SH3GL3: variants seen among roughly 807,000 people sequenced by gnomAD.
SH3GL3 encodes the protein endophilin-A3.
Under a neutral mutation model 47.7 loss-of-function variants are expected in SH3GL3, and 33 were observed. The observed-to-expected ratio is 0.69, with a 90% confidence interval of 0.52 to 0.92. The LOEUF (loss-of-function observed/expected upper bound fraction) is 0.92. Ranked by LOEUF, SH3GL3 falls within the 40% of genes least tolerant of loss-of-function variation. The pLI is 0.00. For synonymous variants in SH3GL3, 155 were observed against 148.8 expected (o/e 1.04, Z -0.30); for missense variants, 363 against 417.8 (o/e 0.87, Z 1.14).
Position 83,565,219 on chromosome 15 carries a change from T to A in SH3GL3, c.187+13T>A. 1 of 1,459,460 alleles carries A rather than the reference T, an allele frequency of 6.9e-7. No individual in the cohort carries two copies. The highest frequency in any genetic ancestry group is 1.7e-5 in the Admixed American group (1 of 59,188). The allele number at this position is 1,459,460 out of a possible 1,614,324, so 90.4% of individuals were successfully genotyped here. A position where few individuals can be genotyped will look rare whatever the true frequency, so the allele number is the denominator to read the frequency against. Reference sequence around the variant, plus strand: ...CAGCCAAATCCAGGTAAAGTTGAAATATTCTCTTGTTCATTTGCTGTCACA... The same window carrying A: ...CAGCCAAATCCAGGTAAAGTTGAAAAATTCTCTTGTTCATTTGCTGTCACA... On this transcript the variant is annotated intron_variant, in intron 3 of 8. Transcript: ENST00000427482.
chr15:83,600,133 T>G (rs1032488397), intron 8 of SH3GL3, among the ~76,000 whole-genome samples: 4 of 152,256 alleles, frequency 2.6e-5, no homozygotes, highest in Admixed American at 1.3e-4. Flanking sequence ...TTTCTCCCAC[T>G]CTGTGGGTTG....
intron 1 of SH3GL3, among the ~76,000 whole-genome samples, chr15:83,500,617 G>T (rs2042254820): frequency 6.6e-6 from 1 of 152,228 alleles, no homozygotes; most frequent in Admixed American, 6.5e-5. Flanking sequence ...TGGGTCTTTG[G>T]CTCCTATGGT....
chr15:83,505,650 C>T (rs1228970697), intron 1 of SH3GL3, among the ~76,000 whole-genome samples: 1 of 151,818 alleles, frequency 6.6e-6, no homozygotes, highest in Admixed American at 6.6e-5. Context: ...CCTCAGCTTC[C>T]CAAGTAGCTG....
At chr15:83,622,425 A>G (rs1476169678), downstream of SH3GL3, among the ~76,000 whole-genome samples, 1 of 152,224 alleles carries the variant, frequency 6.6e-6, no homozygotes, top group Non-Finnish European at 1.5e-5. Context: ...ACTATTCTCA[A>G]TGCCCATAAT....
intron 1 of SH3GL3, among the ~76,000 whole-genome samples, chr15:83,461,333 A>T (rs1436634279): frequency 6.6e-6 from 1 of 152,236 alleles, no homozygotes; most frequent in Non-Finnish European, 1.5e-5. Flanking sequence ...GTCTAATTAA[A>T]ATAACTGACA....
In SH3GL3 at chr15:83,497,219, G is replaced by A. The variant is rs143877928; in HGVS notation, c.45+49641G>A. On this transcript the variant is annotated intron_variant, in intron 1 of 8. Transcript: ENST00000427482. ...TCTTTGTCATGGCTCTTGAAGACCC[G>A]TTACAGCCCCAAGACCCCGTGGTAG... is the stretch of plus-strand genomic sequence containing the variant. Among the ~76,000 whole-genome samples the A allele has an allele frequency of 1.2e-3, 175 of 152,158 alleles. 2 individuals carry two copies. The highest frequency in any genetic ancestry group is 3.9e-3 in the African/African-American group (162 of 41,516).
At chr15:83,565,469 G>T in intron 3 of SH3GL3, 2 of 341,920 alleles carry the variant, frequency 5.8e-6, no homozygotes, top group Non-Finnish European at 1.1e-5. Flanking sequence ...ACTGAGCAAA[G>T]GTTTTATGAG....
At chr15:83,612,613 C>T (rs935769129) in intron 8 of SH3GL3, among the ~76,000 whole-genome samples, 12 of 152,328 alleles carry the variant, frequency 7.9e-5, no homozygotes, top group South Asian at 2.1e-4. Flanking sequence ...TGCCTTCTCC[C>T]GGGATTTCTG....
intron 7 of SH3GL3, 139 bp from the exon 8 acceptor site, chr15:83,588,523 A>G (rs908115800): frequency 4.8e-6 from 3 of 630,836 alleles, no homozygotes; most frequent in Admixed American, 2.5e-5. Flanking sequence ...GGGCTACTCA[A>G]GAGTCAGTGT....
intron 1 of SH3GL3, among the ~76,000 whole-genome samples, chr15:83,551,384 G>A (rs898292150): frequency 1.3e-5 from 2 of 152,270 alleles, no homozygotes; most frequent in Admixed American, 1.3e-4. Context: ...GTGAGCCAAG[G>A]TCAGGTGCGA....
chr15:83,612,013 C>CA (rs530768134), intron 8 of SH3GL3, among the ~76,000 whole-genome samples: 96,191 of 128,566 alleles, frequency 0.75, 35,723 homozygotes, highest in African/African-American at 0.88. Flanking sequence ...TGTTGTTGAC[C>CA]AAAAAAAAAA....
chr15:83,534,453 G>A (rs1050480758), intron 1 of SH3GL3, among the ~76,000 whole-genome samples: 1 of 151,878 alleles, frequency 6.6e-6, no homozygotes, highest in Admixed American at 6.6e-5. Flanking sequence ...CGAAAGATTC[G>A]AAACCTTTGT....
At chr15:83,624,765 T>A in the SH3GL3 span, among the ~76,000 whole-genome samples, 1 of 152,114 alleles carries the variant, frequency 6.6e-6, no homozygotes, top group Non-Finnish European at 1.5e-5. Flanking sequence ...TGAGATCCCA[T>A]CCCTACAAAA....
Position 83,515,780 on chromosome 15 carries a change from A to G in SH3GL3, c.46-43473A>G, listed in dbSNP as rs1459708781. Among the ~76,000 whole-genome samples, 10 of 152,366 alleles carry G rather than the reference A, an allele frequency of 6.6e-5. No homozygotes were observed. The East Asian group carries it at 1.5e-3, about 23-fold the overall frequency. ...CAAACCTAATAAAATTCAAATTAACATCACTGAGTTAATGTCATGGATAAC... is the reference window on the plus strand; with the variant it reads ...CAAACCTAATAAAATTCAAATTAACGTCACTGAGTTAATGTCATGGATAAC... On this transcript the variant is annotated intron_variant, in intron 1 of 8. Transcript: ENST00000427482.
At position 83,494,612 on chromosome 15, in the gene SH3GL3, G is replaced by A. The variant is rs192079931; in HGVS notation, c.45+47034G>A. 8.4e-4 allele frequency among the ~76,000 whole-genome samples: 126 copies of A among 150,182 alleles called. 1 individual carries two copies. Among genetic ancestry groups the A allele is most frequent in the African/African-American group, 2.9e-3 (119 of 40,686 alleles). On this transcript the variant is annotated intron_variant, in intron 1 of 8. Transcript: ENST00000427482. ...GGCTGGAGTGCAATGGTGTCATCTT[G>A]GCTCACTGCAACCTCTGCCTCCCGG... is the stretch of plus-strand genomic sequence containing the variant.
chr15:83,605,039 G>C (rs989803229), intron 8 of SH3GL3, among the ~76,000 whole-genome samples: 31 of 152,204 alleles, frequency 2.0e-4, no homozygotes, highest in Admixed American at 5.9e-4. Context: ...GCATGTCAGT[G>C]CTTTGTCCCC....
intron 1 of SH3GL3, among the ~76,000 whole-genome samples, chr15:83,498,482 T>C (rs2042167372): frequency 6.6e-6 from 1 of 152,214 alleles, no homozygotes. Context: ...TGCTGTGTTT[T>C]GTTATTGTTG....
chr15:83,535,307 T>C (rs548145066), intron 1 of SH3GL3, among the ~76,000 whole-genome samples: 1 of 152,328 alleles, frequency 6.6e-6, no homozygotes, highest in African/African-American at 2.4e-5. Flanking sequence ...TAAACTTTCC[T>C]AGGTTGGACA....
intron 1 of SH3GL3, among the ~76,000 whole-genome samples, chr15:83,468,728 A>G (rs2040693858): frequency 2.0e-5 from 3 of 152,068 alleles, no homozygotes; most frequent in Middle Eastern, 6.8e-3. Context: ...GATACTGATC[A>G]ATTCTGTTTG....
Sources: gnomAD v4.1 joint callset for allele counts (sites outside exome capture counted in the v4.1 genomes callset) on GRCh38, gnomAD v4.1.1 for gene constraint, MANE v1.5 for transcripts, NCBI Gene and HGNC (gene_info 2026-07-23, HGNC 2026-07-21) for gene names.